Variants in ZNF280D observed in about 807,000 individuals in gnomAD.
ZNF280D encodes the protein suppressor of hairy wing homolog 4.
In ZNF280D, 39 loss-of-function variants were observed where a neutral mutation model predicts 94.7. The ratio of observed to expected loss-of-function variants is 0.41; its 90% confidence interval spans 0.32 to 0.54. The LOEUF is 0.54. ZNF280D is among the 20% of genes least tolerant of loss of function. ZNF280D has a pLI of 0.22. For synonymous variants in ZNF280D, 398 were observed against 377.6 expected (o/e 1.05, Z -0.63); for missense variants, 1,090 against 1,149.3 (o/e 0.95, Z 0.75).
chr15:56,688,487 C>T (rs2056198931), intron 9 of ZNF280D, among the ~76,000 whole-genome samples: 1 of 91,506 alleles, frequency 1.1e-5, no homozygotes, highest in Admixed American at 1.5e-4. Context: ...GAGACTCCGT[C>T]TCAAAAAAAA....
chr15:56,702,357 A>G (rs1471949940), intron 4 of ZNF280D, among the ~76,000 whole-genome samples: 1 of 152,204 alleles, frequency 6.6e-6, no homozygotes, highest in African/African-American at 2.4e-5. Flanking sequence ...TTGCAGTTTT[A>G]TATAAACATT....
rs1039965316 is a variant in ZNF280D at position 56,657,916 on chromosome 15, A to G, written c.2057+508T>C. Among the ~76,000 whole-genome samples the G allele has an allele frequency of 2.0e-5, 3 of 152,296 alleles. No individual in the cohort carries two copies. The South Asian group carries it at 6.2e-4, about 32-fold the overall frequency. ...AATACATGTCCATACAAAAACATGC[A>G]CACACATGTTCACAGTAGTATTATT... is the stretch of plus-strand genomic sequence containing the variant. On this transcript the variant is annotated intron_variant, in intron 17 of 21. Transcript: ENST00000267807.
chr15:56,686,224 C>T (rs533634287), intron 9 of ZNF280D, among the ~76,000 whole-genome samples: 1 of 152,268 alleles, frequency 6.6e-6, no homozygotes, highest in Non-Finnish European at 1.5e-5. Flanking sequence ...CTGCAACCTC[C>T]GCCTCCCAGG....
intron 9 of ZNF280D, 45 bp downstream of exon 9, chr15:56,688,996 G>T: frequency 7.6e-7 from 1 of 1,323,064 alleles, no homozygotes; most frequent in Non-Finnish European, 1.1e-6. Flanking sequence ...AGTATTTTTA[G>T]AAATGTGCAA....
chr15:56,704,132 G>C lies in ZNF280D; in HGVS notation c.164C>G (p.Pro55Arg), dbSNP rs1230307983. 1 of 1,613,302 alleles carries C rather than the reference G, an allele frequency of 6.2e-7. No homozygotes were observed. The highest frequency in any genetic ancestry group is 8.5e-7 in the Non-Finnish European group (1 of 1,179,836). Residue 55 changes from proline (P) to arginine (R), a missense_variant, in exon 4 of 22, where the codon CCA becomes CGA. Coordinates refer to ENST00000267807, the MANE Select transcript of ZNF280D (RefSeq NM_017661.4). ...IFVGEISSSK[P>R]AISNILNRVN... ...AAGTAAATGCTTACTTGAAATTGCT[G>C]GTTTTGAACTTGATATCTCGCCAAC...
intron 6 of ZNF280D, chr15:56,697,767 T>C (rs2056840153): frequency 6.6e-6 from 1 of 152,046 alleles, no homozygotes; most frequent in Non-Finnish European, 1.5e-5. Flanking sequence ...TTTTATAATA[T>C]TTATTTATTC....
At chr15:56,648,192 A>C (rs1596345138) in intron 19 of ZNF280D, among the ~76,000 whole-genome samples, 1 of 152,114 alleles carries the variant, frequency 6.6e-6, no homozygotes. Context: ...CTCTGCCTCT[A>C]TATGTTTTCC....
intron 7 of ZNF280D, 142 bp from the exon 8 acceptor site, chr15:56,689,612 T>A: frequency 1.9e-6 from 1 of 521,810 alleles, no homozygotes; most frequent in Non-Finnish European, 3.1e-6. Flanking sequence ...CTTGATATGA[T>A]CCAAACTCAA....
chr15:56,700,103 G>T, intron 6 of ZNF280D: 3 of 702,392 alleles, frequency 4.3e-6, no homozygotes, highest in Non-Finnish European at 3.5e-6. Flanking sequence ...AAAGGGTCTT[G>T]GGGAACCCCA....
At chr15:56,683,954 G>A (rs1189051137) in intron 9 of ZNF280D, among the ~76,000 whole-genome samples, 1 of 152,158 alleles carries the variant, frequency 6.6e-6, no homozygotes, top group Non-Finnish European at 1.5e-5. Context: ...AGATCTTAAA[G>A]GGTCAGTAAA....
chr15:56,707,830 T>C (rs141677547), intron 1 of ZNF280D, among the ~76,000 whole-genome samples: 1 of 151,792 alleles, frequency 6.6e-6, no homozygotes, highest in Non-Finnish European at 1.5e-5. Context: ...GAAGGTAATG[T>C]GCTAAGCTCA....
In ZNF280D at chr15:56,731,450, C is replaced by T. The variant is rs191003124; in HGVS notation, c.-86+2008G>A. Among the ~76,000 whole-genome samples, 31 of 136,742 alleles carry T rather than the reference C, an allele frequency of 2.3e-4. No individual in the cohort carries two copies. In the East Asian group the frequency reaches 6.8e-3, roughly 30 times the overall value. 89.7% of individuals were successfully genotyped at this position (136,742 alleles called of 152,430 possible). On this transcript the variant is annotated intron_variant, in intron 1 of 21. Coordinates refer to ENST00000267807, the MANE Select transcript of ZNF280D (RefSeq NM_017661.4). ...CCCAGGAAGGAGGTCAAGGATGCAGCGAGCCAAGACTGCTCCACAGCGCTC... is the reference window on the plus strand; with the variant it reads ...CCCAGGAAGGAGGTCAAGGATGCAGTGAGCCAAGACTGCTCCACAGCGCTC...
intron 3 of ZNF280D, among the ~76,000 whole-genome samples, chr15:56,705,205 T>C (rs138953006): frequency 5.3e-5 from 8 of 152,230 alleles, no homozygotes; most frequent in African/African-American, 1.7e-4. Context: ...CTTTTTTCTC[T>C]AAACTGTACT....
rs947623422 is a variant in ZNF280D, at chr15:56,700,703, C to A, written c.381+230G>T. 3 of 1,436,042 alleles carry A rather than the reference C, an allele frequency of 2.1e-6. No homozygotes were observed. In the South Asian group the frequency reaches 4.6e-5, roughly 22 times the overall value. 89.0% of individuals were successfully genotyped at this position (1,436,042 alleles called of 1,614,324 possible). On this transcript the variant is annotated intron_variant, in intron 6 of 21. Transcript: ENST00000267807. ...TGATAGTATAGTTTTCATTACTGTACCTATTTAGGCATACTGCCTGTTATT... is the reference window on the plus strand; with the variant it reads ...TGATAGTATAGTTTTCATTACTGTAACTATTTAGGCATACTGCCTGTTATT...
intron 13 of ZNF280D, among the ~76,000 whole-genome samples, chr15:56,671,503 T>A (rs2054861486): frequency 6.6e-6 from 1 of 152,124 alleles, no homozygotes; most frequent in African/African-American, 2.4e-5. Context: ...CGGTTTTATT[T>A]CTGGGTTCTC....
At chr15:56,660,356 T>C (rs1448648876) in intron 16 of ZNF280D, among the ~76,000 whole-genome samples, 1 of 152,170 alleles carries the variant, frequency 6.6e-6, no homozygotes, top group African/African-American at 2.4e-5. Context: ...GGTCTTTTGA[T>C]AGCCTCTGCA....
intron 1 of ZNF280D, among the ~76,000 whole-genome samples, chr15:56,719,886 TAAAAA>T (rs35398429): frequency 9.8e-6 from 1 of 101,724 alleles, no homozygotes. Context: ...ACTTTATTGC[TAAAAA>T]AAAAAAAAAA....
rs555330530 is a variant in ZNF280D, at chr15:56,696,856, C to G, written c.382-3641G>C. ...AAAACCTCTCATTTTTTAAAAGAACCCAAGTACTGGGAACCATCAGCTGAG... is the reference window on the plus strand; with the variant it reads ...AAAACCTCTCATTTTTTAAAAGAACGCAAGTACTGGGAACCATCAGCTGAG... On this transcript the variant is annotated intron_variant, in intron 6 of 21. Coordinates refer to ENST00000267807, the MANE Select transcript of ZNF280D (RefSeq NM_017661.4). Among the ~76,000 whole-genome samples the G allele has an allele frequency of 3.9e-5, 6 of 152,226 alleles. No individual in the cohort carries two copies. The South Asian group carries it at 1.2e-3, about 32-fold the overall frequency.
At chr15:56,662,633 T>C (rs182209956) in intron 16 of ZNF280D, among the ~76,000 whole-genome samples, 141 of 152,170 alleles carry the variant, frequency 9.3e-4, no homozygotes, top group African/African-American at 3.3e-3. Flanking sequence ...GAGACCAGCC[T>C]GGACAACATG....
Sources: gnomAD v4.1 joint callset for allele counts (sites outside exome capture counted in the v4.1 genomes callset) on GRCh38, gnomAD v4.1.1 for gene constraint, MANE v1.5 for transcripts, NCBI Gene and HGNC (gene_info 2026-07-23, HGNC 2026-07-21) for gene names.